The following UBXN8 variants were observed in gnomAD, a reference collection of about 807,000 sequenced individuals.
UBXN8 encodes UBX domain protein 8.
In UBXN8, 27 loss-of-function variants were observed where a neutral mutation model predicts 32.1. The ratio of observed to expected loss-of-function variants is 0.84; its 90% confidence interval spans 0.62 to 1.16. The LOEUF is 1.16. Among genes scored for constraint, UBXN8 ranks in the 50% most tolerant of loss-of-function variants. UBXN8 has a pLI of 0.00. For synonymous variants in UBXN8, 109 were observed against 111.8 expected (o/e 0.98, Z 0.16); for missense variants, 306 against 311.4 (o/e 0.98, Z 0.13).
intron 5 of UBXN8, among the ~76,000 whole-genome samples, chr8:30,757,404 T>G (rs956001571): frequency 6.7e-6 from 1 of 150,132 alleles, no homozygotes; most frequent in African/African-American, 2.5e-5. Flanking sequence ...ACAAAAAAAT[T>G]AGCTGGGCGT....
chr8:30,753,031 T>C lies in UBXN8; in HGVS notation c.212-4T>C, dbSNP rs1292811875. ...AAAAGCACTTTTATGTTTTGATGTC[T>C]TAGAAGAAGAAGAAAAGAATGAGAA... On this transcript the variant is annotated splice_region_variant and splice_polypyrimidine_tract_variant and intron_variant, in intron 2 of 7. Coordinates refer to ENST00000265616, the MANE Select transcript of UBXN8 (RefSeq NM_005671.4). The C allele has an allele frequency of 1.3e-6, 2 of 1,518,218 alleles. No individual in the cohort carries two copies. Among genetic ancestry groups the C allele is most frequent in the East Asian group, 5.0e-5 (2 of 40,332 alleles). The allele number at this position is 1,518,218 out of a possible 1,614,324, so 94.0% of individuals were successfully genotyped here. A position where few individuals can be genotyped will look rare whatever the true frequency, so the allele number is the denominator to read the frequency against.
At chr8:30,744,679 C>T (rs569605999) in intron 1 of UBXN8, among the ~76,000 whole-genome samples, 2 of 152,370 alleles carry the variant, frequency 1.3e-5, no homozygotes, top group East Asian at 3.9e-4. Flanking sequence ...TCAAGAGATC[C>T]TCCTGCCTCG....
rs1380797719 is a variant in UBXN8 at position 30,766,272 on chromosome 8, T to C, written c.691T>C (p.Tyr231His). ...MTRIGYHISL[Y>H]SLSTSFPRRP... Reference sequence around the variant, plus strand: ...GAGAATTGGGTACCACATATCTCTATACAGCCTTTCTACTTCCTTTCCCAG... The same window carrying C: ...GAGAATTGGGTACCACATATCTCTACACAGCCTTTCTACTTCCTTTCCCAG... The change falls in exon 8 of 8, where the codon TAC becomes CAC. Residue 231 changes from tyrosine to histidine, a missense_variant. Physicochemically the swap from Tyr to His is moderately conservative, Grantham distance 83 (BLOSUM62 2). Coordinates refer to ENST00000265616, the MANE Select transcript of UBXN8 (RefSeq NM_005671.4). The C allele has an allele frequency of 6.2e-7, 1 of 1,613,850 alleles. No individual in the cohort carries two copies. Among genetic ancestry groups the C allele is most frequent in the East Asian group, 2.2e-5 (1 of 44,872 alleles).
intron 5 of UBXN8, among the ~76,000 whole-genome samples, chr8:30,759,854 G>C (rs1294716387): frequency 1.3e-5 from 2 of 151,416 alleles, no homozygotes; most frequent in African/African-American, 4.8e-5. Flanking sequence ...CTACTTGGGA[G>C]GCTGAGACAG....
rs377467975 is a variant in UBXN8, at chr8:30,744,242, T to C, written c.53T>C (p.Val18Ala). Residue 18 changes from valine to alanine, a missense_variant, in exon 1 of 8, where the codon GTG becomes GCG. Coordinates refer to ENST00000265616, the MANE Select transcript of UBXN8 (RefSeq NM_005671.4). ...GIFFLSAVPLVCLELRRGIPD... is the reference protein window; with the variant it reads ...GIFFLSAVPLACLELRRGIPD... ...TTCTTCCTCTCTGCTGTCCCCCTTG[T>C]GTGTCTGGAGCTCCGGCGTGGGATC... 5.8e-5 allele frequency: 94 copies of C among 1,613,912 alleles called. No homozygotes were observed. The African/African-American group carries it at 1.2e-3, about 21-fold the overall frequency.
intron 1 of UBXN8, among the ~76,000 whole-genome samples, chr8:30,746,098 A>T (rs1368213416): frequency 6.6e-6 from 1 of 152,150 alleles, no homozygotes; most frequent in African/African-American, 2.4e-5. Context: ...TTGTTTTTGT[A>T]TTCCCAGCAC....
rs1805911738 is a variant in UBXN8 at position 30,763,341 on chromosome 8, C to T, written c.639C>T (p.Ser213=). Residue 213 remains serine, a synonymous_variant, in exon 7 of 8, where the codon AGC becomes AGT. Transcript: ENST00000265616. ...VLRRRFLKSY[S]SQVLFDWMTR... Reference sequence around the variant, plus strand: ...GGAGAAGGTTTTTGAAGTCCTACAGCTCACAGGTAAGTGAAGGAATTCACA... The same window carrying T: ...GGAGAAGGTTTTTGAAGTCCTACAGTTCACAGGTAAGTGAAGGAATTCACA... The T allele has an allele frequency of 1.2e-6, 2 of 1,613,530 alleles. No homozygotes were observed. Among genetic ancestry groups the T allele is most frequent in the African/African-American group, 2.7e-5 (2 of 74,942 alleles).
chr8:30,746,373 TTTTATACATCATAC>T (rs1194770425), intron 1 of UBXN8, among the ~76,000 whole-genome samples: 1 of 152,164 alleles, frequency 6.6e-6, no homozygotes, highest in African/African-American at 2.4e-5. Context: ...TTTAAGTCTG[TTTTATACATCATAC>T]TTTATACCAG....
At chr8:30,757,087 G>A (rs768918289) in intron 5 of UBXN8, among the ~76,000 whole-genome samples, 200 bp downstream of exon 5, 2 of 151,912 alleles carry the variant, frequency 1.3e-5, no homozygotes, top group African/African-American at 2.4e-5. Context: ...TTGGGAGGCC[G>A]AGGCCGATGG....
chr8:30,735,300 G>T (rs1427950982), intron 1 of UBXN8, among the ~76,000 whole-genome samples: 1 of 152,178 alleles, frequency 6.6e-6, no homozygotes. Context: ...TAACTCAGAA[G>T]CCTATTAACC....
chr8:30,752,923 C>T (rs1805552162), intron 2 of UBXN8, 112 bp from the exon 3 acceptor site: 4 of 1,210,832 alleles, frequency 3.3e-6, no homozygotes, highest in Non-Finnish European at 2.2e-6. Flanking sequence ...GTTAGGGTCT[C>T]CCCATCATAG....
At chr8:30,748,057 A>G (rs1342926400) in intron 1 of UBXN8, among the ~76,000 whole-genome samples, 2 of 148,254 alleles carry the variant, frequency 1.3e-5, no homozygotes, top group South Asian at 2.2e-4. Context: ...TTGAAAAACT[A>G]GCCTTGTCTT....
At chr8:30,759,274 C>T (rs1439503778) in intron 5 of UBXN8, among the ~76,000 whole-genome samples, 2 of 151,926 alleles carry the variant, frequency 1.3e-5, no homozygotes, top group East Asian at 1.9e-4. Context: ...CTCACTCTGT[C>T]ACCCAGGCTG....
At chr8:30,744,878 T>C (rs766017315) in intron 1 of UBXN8, among the ~76,000 whole-genome samples, 1 of 151,582 alleles carries the variant, frequency 6.6e-6, no homozygotes, top group Non-Finnish European at 1.5e-5. Context: ...TCAAGGAGAG[T>C]TGGGAGGAGG....
At chr8:30,737,002 G>A (rs1050436793) in intron 1 of UBXN8, among the ~76,000 whole-genome samples, 1 of 151,904 alleles carries the variant, frequency 6.6e-6, no homozygotes, top group African/African-American at 2.4e-5. Flanking sequence ...ATCTGTTCTT[G>A]GGAATAATGT....
chr8:30,738,259 C>T (rs189095736), intron 1 of UBXN8, among the ~76,000 whole-genome samples: 17 of 152,234 alleles, frequency 1.1e-4, no homozygotes, highest in African/African-American at 3.9e-4. Context: ...TGACACATTC[C>T]TGTAGTGCCA....
At chr8:30,743,305 G>A (rs1489862489), upstream of UBXN8, among the ~76,000 whole-genome samples, 1 of 151,896 alleles carries the variant, frequency 6.6e-6, no homozygotes. Flanking sequence ...ACAGGCGACC[G>A]CCACCACACC....
upstream of UBXN8, among the ~76,000 whole-genome samples, chr8:30,742,534 G>A (rs962114957): frequency 1.3e-5 from 2 of 151,824 alleles, no homozygotes; most frequent in African/African-American, 4.8e-5. Context: ...TTTTAGACAG[G>A]TTTAGCTATG....
chr8:30,758,879 T>TG lies in UBXN8; in HGVS notation c.528+1992_528+1993insG, dbSNP rs1425199919. Among the ~76,000 whole-genome samples, 572 of 125,922 alleles carry TG rather than the reference T, an allele frequency of 4.5e-3. 12 individuals are homozygous for TG. Among genetic ancestry groups the TG allele is most frequent in the African/African-American group, 0.017 (540 of 32,144 alleles). The allele number at this position is 125,922 out of a possible 152,430, so 82.6% of individuals were successfully genotyped here. A position where few individuals can be genotyped will look rare whatever the true frequency, so the allele number is the denominator to read the frequency against. ...AAGTCATTGGTAACAAATGTTTTTT[T>TG]TGTTTGTTTTTTTTGTTTTTTTTTT... is the stretch of plus-strand genomic sequence containing the variant. On this transcript the variant is annotated intron_variant, in intron 5 of 7. Coordinates refer to ENST00000265616, the MANE Select transcript of UBXN8 (RefSeq NM_005671.4).
Sources: allele counts gnomAD v4.1 joint callset (sites outside exome capture counted in the v4.1 genomes callset), GRCh38; gene constraint gnomAD v4.1.1; transcripts MANE v1.5; gene names NCBI Gene and HGNC (gene_info 2026-07-23, HGNC 2026-07-21).